ANK3: variants seen among roughly 807,000 people sequenced by gnomAD.
ANK3 encodes the protein ankyrin-3.
ANK3 carries 57 observed loss-of-function variants against 370.9 expected under a neutral mutation model. The observed-to-expected ratio is 0.15, with a 90% CI of 0.12 to 0.19. The LOEUF is 0.19. Among genes scored for constraint, ANK3 ranks in the 10% least tolerant of loss-of-function variants. The probability of loss-of-function intolerance (pLI) is 1.00; values close to 1 mark genes in which losing one functional copy is unlikely to be tolerated. For missense variants in ANK3, 4,439 were observed against 5,302.1 expected (o/e 0.84, Z 5.06); for synonymous variants, 1,929 against 1,946.3 (o/e 0.99, Z 0.23).
chr10:60,723,350 A>T (rs2079891999), intron 1 of ANK3, among the ~76,000 whole-genome samples: 1 of 152,216 alleles, frequency 6.6e-6, no homozygotes, highest in South Asian at 2.1e-4. Context: ...TAGCATTGAA[A>T]TTCATTCTTT....
chr10:60,553,387 A>C (rs1227265330), intron 2 of ANK3, among the ~76,000 whole-genome samples: 2 of 150,560 alleles, frequency 1.3e-5, no homozygotes, highest in African/African-American at 4.8e-5. Context: ...TATACCCAGC[A>C]CATAGAAGGG....
At chr10:60,155,757 G>A (rs749264703) in intron 23 of ANK3, among the ~76,000 whole-genome samples, 2 of 152,176 alleles carry the variant, frequency 1.3e-5, no homozygotes, top group African/African-American at 4.8e-5. Context: ...ACACAGAAAG[G>A]ACTAGACTGG....
intron 1 of ANK3, among the ~76,000 whole-genome samples, chr10:60,362,946 A>C (rs10994312): frequency 0.37 from 56,206 of 151,894 alleles, 11,195 homozygotes; most frequent in Middle Eastern, 0.49. Flanking sequence ...AGGGTGGGCT[A>C]TCCTGGACAT....
At position 60,588,160 on chromosome 10, in the gene ANK3, T is replaced by TTTATTATTATTATTA. The variant is rs147944306; in HGVS notation, c.96+27011_96+27025dup. On this transcript the variant is annotated intron_variant, in intron 2 of 43. Transcript: ENST00000373827. Reference sequence around the variant, plus strand: ...ATAAATCTGGTTGAGTTTCTCAGTTTTTATTATTATTATTATTATTATTAT... The same window carrying TTTATTATTATTATTA: ...ATAAATCTGGTTGAGTTTCTCAGTTTTTATTATTATTATTATTATTATTATTATTATTATTATTAT... 5.3e-3 allele frequency among the ~76,000 whole-genome samples: 745 copies of TTTATTATTATTATTA among 141,108 alleles called. 2 individuals carry two copies. Among genetic ancestry groups the TTTATTATTATTATTA allele is most frequent in the African/African-American group, 0.013 (481 of 38,376 alleles). The allele number at this position is 141,108 out of a possible 152,430, so 92.6% of individuals were successfully genotyped here.
chr10:60,307,488 A>G (rs1441689307), intron 1 of ANK3, among the ~76,000 whole-genome samples: 1 of 150,742 alleles, frequency 6.6e-6, no homozygotes, highest in Non-Finnish European at 1.5e-5. Context: ...GTGTGCCACT[A>G]TGCCTGGCTA....
At chr10:60,050,699 A>G (rs984047180) in intron 42 of ANK3, 1 of 152,212 alleles carries the variant, frequency 6.6e-6, no homozygotes, top group Admixed American at 6.5e-5. Flanking sequence ...AGACTACAAG[A>G]AGCATTCTGT....
chr10:60,567,139 C>T lies in ANK3; in HGVS notation c.96+48047G>A, dbSNP rs139207733. On this transcript the variant is annotated intron_variant, in intron 2 of 43. Coordinates refer to the ANK3 transcript ENST00000373827. Reference sequence around the variant, plus strand: ...ACTGATGAAGGTGGTTACACTAAACCACAGATTTTTCAGTGTAGGCAAGAC... The same window carrying T: ...ACTGATGAAGGTGGTTACACTAAACTACAGATTTTTCAGTGTAGGCAAGAC... 4.4e-4 allele frequency among the ~76,000 whole-genome samples: 67 copies of T among 152,228 alleles called. 1 individual carries two copies. Among genetic ancestry groups the T allele is most frequent in the African/African-American group, 1.5e-3 (61 of 41,550 alleles).
chr10:60,238,903 G>A (rs1461641452), intron 7 of ANK3, among the ~76,000 whole-genome samples: 3 of 151,830 alleles, frequency 2.0e-5, no homozygotes, highest in Non-Finnish European at 4.4e-5. Flanking sequence ...TATCTAGTAG[G>A]AACAACATGC....
intron 2 of ANK3, among the ~76,000 whole-genome samples, chr10:60,419,380 C>T (rs1446653032): frequency 6.6e-6 from 1 of 152,062 alleles, no homozygotes; most frequent in African/African-American, 2.4e-5. Flanking sequence ...CTGTATTAAG[C>T]CAAAGACATG....
intron 1 of ANK3, among the ~76,000 whole-genome samples, chr10:60,658,045 G>A (rs934396161): frequency 5.1e-5 from 7 of 138,476 alleles, no homozygotes; most frequent in Non-Finnish European, 1.1e-4. Context: ...TTTCCATGGT[G>A]TATTATTTTC....
intron 1 of ANK3, among the ~76,000 whole-genome samples, chr10:60,695,324 C>T (rs1036785888): frequency 1.3e-5 from 2 of 151,998 alleles, no homozygotes; most frequent in Non-Finnish European, 2.9e-5. Flanking sequence ...ACCCCACTGT[C>T]AACATTAGAC....
chr10:60,221,084 CT>C (rs34771679), intron 8 of ANK3, among the ~76,000 whole-genome samples: 119 of 142,116 alleles, frequency 8.4e-4, no homozygotes, highest in East Asian at 3.9e-3. Flanking sequence ...TTGATTTTGC[CT>C]TTTTTTTTTT....
intron 1 of ANK3, among the ~76,000 whole-genome samples, chr10:60,711,701 C>T (rs2079710632): frequency 6.6e-6 from 1 of 151,954 alleles, no homozygotes. Context: ...TAATGACAGA[C>T]ACCAAACTAC....
chr10:60,522,089 A>C (rs1015313722), intron 2 of ANK3, among the ~76,000 whole-genome samples: 1 of 152,108 alleles, frequency 6.6e-6, no homozygotes, highest in Non-Finnish European at 1.5e-5. Flanking sequence ...GGGATTTGGA[A>C]AATGTGAGCA....
At chr10:60,430,901 C>T (rs2132977814) in intron 2 of ANK3, among the ~76,000 whole-genome samples, 1 of 152,234 alleles carries the variant, frequency 6.6e-6, no homozygotes, top group South Asian at 2.1e-4. Flanking sequence ...GCCTCTTCAT[C>T]TATAACACAG....
At chr10:60,572,306 CAG>C (rs973391108) in intron 2 of ANK3, among the ~76,000 whole-genome samples, 33 of 152,252 alleles carry the variant, frequency 2.2e-4, no homozygotes, top group Admixed American at 7.8e-4. Context: ...TCCTCCAAGA[CAG>C]AACACACCCA....
At chr10:60,615,497 G>A (rs971284197) in intron 1 of ANK3, among the ~76,000 whole-genome samples, 4 of 152,020 alleles carry the variant, frequency 2.6e-5, no homozygotes, top group African/African-American at 9.7e-5. Flanking sequence ...TTTTAAAAAT[G>A]AAATTGTGCC....
intron 1 of ANK3, among the ~76,000 whole-genome samples, chr10:60,294,941 T>C (rs2042191827): frequency 6.6e-6 from 1 of 152,154 alleles, no homozygotes; most frequent in Non-Finnish European, 1.5e-5. Context: ...AGGACGTTAT[T>C]TTCTATAACA....
intron 2 of ANK3, among the ~76,000 whole-genome samples, chr10:60,479,585 C>T (rs1334484695): frequency 6.6e-6 from 1 of 152,118 alleles, no homozygotes; most frequent in Non-Finnish European, 1.5e-5. Context: ...AATCAAATTA[C>T]AGAATTATAT....
Sources: allele counts gnomAD v4.1 joint callset (sites outside exome capture counted in the v4.1 genomes callset), GRCh38; gene constraint gnomAD v4.1.1; transcripts MANE v1.5; gene names NCBI Gene and HGNC (gene_info 2026-07-23, HGNC 2026-07-21).